ADAMTS9: variants seen among roughly 807,000 people sequenced by gnomAD.
ADAMTS9 encodes ADAM metallopeptidase with thrombospondin type 1 motif 9.
ADAMTS9 carries 107 observed loss-of-function variants against 257.1 expected under a neutral mutation model. That is an observed-to-expected ratio of 0.42 (90% CI 0.36 to 0.49). The LOEUF (loss-of-function observed/expected upper bound fraction) is 0.49, where lower values mean the gene tolerates loss of function less well. Among genes scored for constraint, ADAMTS9 ranks in the 20% least tolerant of loss-of-function variants. The pLI, the probability that ADAMTS9 is intolerant of heterozygous loss-of-function variation, is 0.03. For synonymous variants in ADAMTS9, 982 were observed against 880.9 expected (o/e 1.11, Z -2.03); for missense variants, 2,353 against 2,469.1 (o/e 0.95, Z 1.00).
At position 64,522,223 on chromosome 3, in the gene ADAMTS9, C is replaced by T; in HGVS notation, c.5756G>A (p.Cys1919Tyr). The T allele has an allele frequency of 2.5e-6, 4 of 1,614,082 alleles. No homozygotes were observed. Among genetic ancestry groups the T allele is most frequent in the Non-Finnish European group, 3.4e-6 (4 of 1,179,956 alleles). ...ACCAGAGGATGGAGTGCATTTTCCA[C>T]AGTAACCACCGCATTTCCCTACGAC... ...TRVVGKCGGY[C>Y]GKCTPSSGTG... Residue 1919 changes from cysteine to tyrosine, a missense_variant, in exon 39 of 40, where the codon TGT becomes TAT. Transcript: ENST00000498707.
chr3:64,636,348 G>A (rs953467332), intron 12 of ADAMTS9, among the ~76,000 whole-genome samples: 1 of 152,160 alleles, frequency 6.6e-6, no homozygotes, highest in Non-Finnish European at 1.5e-5. Flanking sequence ...CATGGACTCT[G>A]GAAACAGAGG....
intron 26 of ADAMTS9, among the ~76,000 whole-genome samples, chr3:64,601,253 A>C (rs931727916): frequency 1.3e-5 from 2 of 152,130 alleles, no homozygotes; most frequent in Non-Finnish European, 2.9e-5. Flanking sequence ...CATCTTATTT[A>C]ATTCTTACAG....
At chr3:64,623,261 G>T (rs981879346) in intron 16 of ADAMTS9, among the ~76,000 whole-genome samples, 2 of 152,150 alleles carry the variant, frequency 1.3e-5, no homozygotes, top group Admixed American at 1.3e-4. Context: ...CTAAGGCAAG[G>T]CCAAAGGCAC....
intron 32 of ADAMTS9, among the ~76,000 whole-genome samples, chr3:64,542,205 T>G (rs1433208168): frequency 6.9e-6 from 1 of 145,692 alleles, no homozygotes; most frequent in Non-Finnish European, 1.5e-5. Context: ...TATAAAACAC[T>G]TATATGTGTA....
chr3:64,660,786 G>T (rs1377710135), intron 3 of ADAMTS9, among the ~76,000 whole-genome samples: 1 of 151,924 alleles, frequency 6.6e-6, no homozygotes, highest in East Asian at 1.9e-4. Context: ...TCCTTTAAGC[G>T]AAAAGGTGAA....
chr3:64,653,925 G>A (rs11130977), intron 8 of ADAMTS9, among the ~76,000 whole-genome samples: 27,049 of 152,146 alleles, frequency 0.18, 3,401 homozygotes, highest in East Asian at 0.54. Context: ...AACTAGAATC[G>A]GGAATGGTCT....
intron 39 of ADAMTS9, among the ~76,000 whole-genome samples, 178 bp downstream of exon 39, chr3:64,521,988 A>C (rs2082857995): frequency 6.6e-6 from 1 of 152,228 alleles, no homozygotes; most frequent in African/African-American, 2.4e-5. Flanking sequence ...AATGGCAGAG[A>C]ACTGATGGCT....
chr3:64,534,532 ATAT>A (rs2083021915), intron 37 of ADAMTS9, among the ~76,000 whole-genome samples: 1 of 152,234 alleles, frequency 6.6e-6, no homozygotes, highest in East Asian at 1.9e-4. Context: ...AGCCACTTAA[ATAT>A]TATATCCCAG....
In ADAMTS9 at chr3:64,613,361, G is replaced by C; in HGVS notation, c.3338C>G (p.Ala1113Gly). ...CQQPECASWQ[A>G]GPWGQCSVTC... is the part of the protein sequence containing the mutation. ...TCAAAATACCTGTCCCCAGGGACCC[G>C]CCTGCCAGGATGCACATTCCGGCTG... The change falls in exon 22 of 40, where the codon GCG becomes GGG. Residue 1113 changes from alanine to glycine, a missense_variant. By Grantham distance (60) the Ala-to-Gly change is moderately conservative. This residue lies in a region of ADAMTS9 where 1,402 missense variants were observed against 1,441.4 expected (regional missense o/e 0.97). Coordinates refer to ENST00000498707, the MANE Select transcript of ADAMTS9 (RefSeq NM_182920.2). 1 of 1,613,604 alleles carries C rather than the reference G, an allele frequency of 6.2e-7. No homozygotes were observed. Among genetic ancestry groups the C allele is most frequent in the South Asian group, 1.1e-5 (1 of 91,014 alleles).
Position 64,686,941 on chromosome 3 carries a change from T to C in ADAMTS9, c.143A>G (p.Tyr48Cys). Residue 48 changes from tyrosine (Y) to cysteine (C), a missense_variant, in exon 2 of 40, where the codon TAC becomes TGC. Tyr to Cys is a radical substitution (Grantham distance 194). Around this residue, in one of 3 missense-constraint regions of ADAMTS9, gnomAD observed 591 missense variants for 569.6 expected, o/e 1.04. Transcript: ENST00000498707. This position sits in a 1 kb window ranked among gnomAD's most constrained non-coding sequence, Gnocchi z 4.6. ...CACTCGGATGGGAGACACGATTTCG[T>C]ATTCGCTCAGGGTCTCTAATAATTT... The part of the protein sequence containing the change: ...QVKLLETLSE[Y>C]EIVSPIRVNA... The C allele has an allele frequency of 6.2e-7, 1 of 1,614,172 alleles. No individual in the cohort carries two copies. Among genetic ancestry groups the C allele is most frequent in the Non-Finnish European group, 8.5e-7 (1 of 1,180,016 alleles).
At chr3:64,632,004 C>CAGTACATTATG in intron 14 of ADAMTS9, 79 bp from the exon 15 acceptor site, 1 of 1,095,650 alleles carries the variant, frequency 9.1e-7, no homozygotes, top group Non-Finnish European at 1.3e-6. Flanking sequence ...TTCTTTTAAT[C>CAGTACATTATG]GTGTGCACTA....
intron 2 of ADAMTS9, chr3:64,685,002 G>C (rs1701859313): frequency 6.6e-6 from 1 of 152,136 alleles, no homozygotes; most frequent in South Asian, 2.1e-4. Context: ...ACCTTTCAAG[G>C]ACCAGAAGGA....
At chr3:64,583,056 T>C (rs1483569699) in intron 28 of ADAMTS9, 23 of 152,216 alleles carry the variant, frequency 1.5e-4, no homozygotes, top group Admixed American at 1.5e-3. Flanking sequence ...TATCAGACAA[T>C]GCTAACATTA....
chr3:64,520,545 C>A (rs780782411), intron 39 of ADAMTS9, among the ~76,000 whole-genome samples: 5 of 151,994 alleles, frequency 3.3e-5, no homozygotes, highest in Admixed American at 2.0e-4. Context: ...AAACTCTACT[C>A]CAAGGCAGCA....
In ADAMTS9 at chr3:64,603,331, T is replaced by A. The variant is rs75189466; in HGVS notation, c.3747+591A>T. On this transcript the variant is annotated intron_variant, in intron 25 of 39. Transcript: ENST00000498707. ...TAATCTCCATTCTTCTTATGCCCTC[T>A]CCTCACCTATACTAATGTATTTCTT... Among the ~76,000 whole-genome samples the A allele has an allele frequency of 3.4e-3, 516 of 152,270 alleles. 13 individuals carry two copies. In the East Asian group the frequency reaches 0.045, roughly 13 times the overall value.
chr3:64,620,975 A>T, intron 19 of ADAMTS9, 139 bp downstream of exon 19: 1 of 1,076,456 alleles, frequency 9.3e-7, no homozygotes, highest in Non-Finnish European at 1.3e-6. Flanking sequence ...GGGATGGAGA[A>T]TTGGTTAAAG....
intron 30 of ADAMTS9, among the ~76,000 whole-genome samples, chr3:64,555,505 C>T (rs144482532): frequency 1.1e-3 from 161 of 152,260 alleles, no homozygotes; most frequent in African/African-American, 3.6e-3. Context: ...CAGCTATTCC[C>T]AACTTGGGTT....
Position 64,633,834 on chromosome 3 carries a change from A to C in ADAMTS9, c.1902T>G (p.Phe634Leu). ...GACATGGCTCCGTGTTGCAGGACTT[A>C]AATTTCATTCTACGTCCTACACAGT... ...GKYCVGRRMK[F>L]KSCNTEPCLK... is the part of the protein sequence containing the mutation. Residue 634 changes from phenylalanine (F) to leucine (L), a missense_variant, in exon 13 of 40, where the codon TTT becomes TTG. Coordinates refer to ENST00000498707, the MANE Select transcript of ADAMTS9 (RefSeq NM_182920.2). The C allele has an allele frequency of 6.2e-7, 1 of 1,613,492 alleles. No homozygotes were observed. The highest frequency in any genetic ancestry group is 8.5e-7 in the Non-Finnish European group (1 of 1,179,934).
intron 3 of ADAMTS9, among the ~76,000 whole-genome samples, chr3:64,676,678 C>T (rs1352200311): frequency 2.0e-5 from 3 of 152,190 alleles, no homozygotes; most frequent in East Asian, 1.9e-4. Flanking sequence ...ATCTATCTTC[C>T]TCCCAAAGGG....
Sources: gnomAD v4.1 joint callset for allele counts (sites outside exome capture counted in the v4.1 genomes callset) on GRCh38, gnomAD v4.1.1 for gene constraint, gnomAD v4.1.1 regional missense constraint, Gnocchi (gnomAD v3.1) non-coding constraint, MANE v1.5 for transcripts, NCBI Gene and HGNC (gene_info 2026-07-23, HGNC 2026-07-21) for gene names.